Variants in CDYL observed in about 807,000 individuals in gnomAD.
The protein encoded by CDYL is chromodomain Y-like protein.
In CDYL, 8 loss-of-function variants were observed where a neutral mutation model predicts 47.3. The ratio of observed to expected loss-of-function variants is 0.17; its 90% CI spans 0.10 to 0.31. The LOEUF (loss-of-function observed/expected upper bound fraction) is 0.31, where lower values mean the gene tolerates loss of function less well. Ranked by LOEUF, CDYL falls within the 10% of genes least tolerant of loss-of-function variation. The probability of loss-of-function intolerance (pLI) is 1.00; values close to 1 mark genes in which losing one functional copy is unlikely to be tolerated. For missense variants in CDYL, 471 were observed against 701.4 expected (o/e 0.67, Z 3.71); for synonymous variants, 266 against 265.0 (o/e 1.00, Z -0.04).
At position 4,953,937 on chromosome 6, in the gene CDYL, A is replaced by C; in HGVS notation, c.1516A>C (p.Lys506Gln). 1 of 1,614,010 alleles carries C rather than the reference A, an allele frequency of 6.2e-7. No individual in the cohort carries two copies. Among genetic ancestry groups the C allele is most frequent in the Non-Finnish European group, 8.5e-7 (1 of 1,179,982 alleles). ...ESKALVRCNM[K>Q]MELEQANERE... ...CAAAGCCCTCGTGCGCTGCAACATG[A>C]AGATGGAGCTGGAGCAGGCCAACGA... The change falls in exon 7 of 7, where the codon AAG (lysine) becomes CAG (glutamine). Residue 506 changes from lysine (K) to glutamine (Q), a missense_variant. Physicochemically the swap from Lys to Gln is moderately conservative, Grantham distance 53. This residue lies in a region of CDYL where 57 missense variants were observed against 74.3 expected (regional missense o/e 0.77). Transcript: ENST00000397588.
chr6:4,810,156 G>A (rs1409513131), intron 1 of CDYL, among the ~76,000 whole-genome samples: 5 of 152,098 alleles, frequency 3.3e-5, no homozygotes, highest in African/African-American at 9.7e-5. Flanking sequence ...ACTCGCCCTT[G>A]CCTACGGGAT....
chr6:4,720,417 T>G (rs898778792), intron 2 of CDYL, among the ~76,000 whole-genome samples: 1 of 152,226 alleles, frequency 6.6e-6, no homozygotes, highest in South Asian at 2.1e-4. Context: ...ATGAAATAAA[T>G]GTTTGTTGAA....
chr6:4,755,039 G>GT (rs145834758), intron 3 of CDYL, among the ~76,000 whole-genome samples: 7,667 of 128,110 alleles, frequency 0.06, 503 homozygotes, highest in African/African-American at 0.17. Context: ...TGTTGTTGTT[G>GT]TTGTTTTTTG....
intron 2 of CDYL, among the ~76,000 whole-genome samples, chr6:4,929,122 G>A (rs1447250017): frequency 6.6e-6 from 1 of 152,130 alleles, no homozygotes; most frequent in African/African-American, 2.4e-5. Context: ...TTACAGTGCA[G>A]GCCTGCTGGT....
chr6:4,917,231 A>G (rs1201715364), intron 2 of CDYL, among the ~76,000 whole-genome samples: 1 of 152,156 alleles, frequency 6.6e-6, no homozygotes, highest in Non-Finnish European at 1.5e-5. Context: ...CTTAGATCTT[A>G]GAAGTACCAG....
At chr6:4,871,293 A>G (rs1413475072) in intron 1 of CDYL, among the ~76,000 whole-genome samples, 1 of 152,202 alleles carries the variant, frequency 6.6e-6, no homozygotes, top group Non-Finnish European at 1.5e-5. Context: ...TCTTGAGCCC[A>G]TAAGGCTTCC....
At chr6:4,937,782 T>G in intron 4 of CDYL, 45 bp downstream of exon 4, 1 of 1,531,806 alleles carries the variant, frequency 6.5e-7, no homozygotes, top group Non-Finnish European at 8.9e-7. Flanking sequence ...GGTGTTTTGT[T>G]TTTGGTAAAC....
At position 4,955,277 on chromosome 6, in the gene CDYL, G is replaced by A. The variant is rs376190740; in HGVS notation, c.*1221G>A. The stretch of plus-strand genomic sequence containing the variant: ...TTCTGAGCTTGCAATCATATTGAAT[G>A]TATGAAGAGCGAAATCAAATTCTTA... On this transcript the variant is annotated 3_prime_UTR_variant, in exon 7 of 7. Transcript: ENST00000397588. The A allele has an allele frequency of 6.6e-6, 1 of 152,608 alleles. No individual in the cohort carries two copies. The highest frequency in any genetic ancestry group is 1.5e-5 in the Non-Finnish European group (1 of 68,038). 9.5% of individuals were successfully genotyped at this position (152,608 alleles called of 1,614,324 possible).
chr6:4,757,169 T>G (rs62384841), intron 3 of CDYL, among the ~76,000 whole-genome samples: 13,304 of 152,248 alleles, frequency 0.087, 635 homozygotes, highest in South Asian at 0.14. Flanking sequence ...TTGAAATAGT[T>G]GTCATCTAAA....
chr6:4,827,775 C>T (rs1760020273), intron 1 of CDYL, among the ~76,000 whole-genome samples: 1 of 152,156 alleles, frequency 6.6e-6, no homozygotes, highest in Non-Finnish European at 1.5e-5. Context: ...CTGCCTCAGC[C>T]TCCCGAGTAG....
chr6:4,897,947 C>T (rs1031106880), intron 2 of CDYL, among the ~76,000 whole-genome samples: 8 of 151,934 alleles, frequency 5.3e-5, no homozygotes, highest in Middle Eastern at 3.2e-3. Flanking sequence ...GTCCCAGCTA[C>T]TCGGGAGGCT....
intron 1 of CDYL, among the ~76,000 whole-genome samples, chr6:4,829,193 G>T (rs1760065080): frequency 6.6e-6 from 1 of 152,088 alleles, no homozygotes; most frequent in African/African-American, 2.4e-5. Flanking sequence ...ACATTATAAT[G>T]TAATTCTGGA....
chr6:4,880,029 T>A (rs1401265208), intron 1 of CDYL, among the ~76,000 whole-genome samples: 1 of 152,130 alleles, frequency 6.6e-6, no homozygotes, highest in Non-Finnish European at 1.5e-5. Context: ...ACTTGATGCA[T>A]CTACATTGAC....
intron 1 of CDYL, among the ~76,000 whole-genome samples, chr6:4,843,523 TTA>T (rs966607461): frequency 7.3e-5 from 11 of 150,116 alleles, no homozygotes; most frequent in African/African-American, 2.7e-4. Context: ...TTTTTTTTTT[TTA>T]ATTCTTTTTT....
At chr6:4,713,706 GCCC>G (rs1263289425) in intron 1 of CDYL, among the ~76,000 whole-genome samples, 3 of 151,446 alleles carry the variant, frequency 2.0e-5, no homozygotes, top group East Asian at 1.9e-4. Context: ...TCCTGTCTCA[GCCC>G]CCCAAGTAGC....
At chr6:4,715,785 T>C (rs1757245424) in exon 2 of CDYL, 2 of 1,614,046 alleles carry the variant, frequency 1.2e-6, no homozygotes, top group Non-Finnish European at 8.5e-7. Context: ...TTTTATGACA[T>C]TTCAGGCAAG....
At chr6:4,740,105 G>A (rs1757771283) in intron 3 of CDYL, among the ~76,000 whole-genome samples, 1 of 152,122 alleles carries the variant, frequency 6.6e-6, no homozygotes, top group Admixed American at 6.6e-5. Context: ...ACGAAGGAGA[G>A]TGTCTGACTT....
intron 4 of CDYL, among the ~76,000 whole-genome samples, 183 bp downstream of exon 4, chr6:4,937,920 T>C (rs550336833): frequency 4.6e-5 from 7 of 152,368 alleles, no homozygotes; most frequent in Non-Finnish European, 8.8e-5. Context: ...AAATTACTAC[T>C]TGCCTTGGGC....
chr6:4,903,801 C>T (rs1157855121), intron 2 of CDYL, among the ~76,000 whole-genome samples: 2 of 152,236 alleles, frequency 1.3e-5, no homozygotes, highest in Non-Finnish European at 2.9e-5. Flanking sequence ...ACATTTTCCT[C>T]AGGTTTTGAG....
Sources: allele counts gnomAD v4.1 joint callset (sites outside exome capture counted in the v4.1 genomes callset), GRCh38; gene constraint gnomAD v4.1.1; regional missense constraint gnomAD v4.1.1; transcripts MANE v1.5; gene names NCBI Gene and HGNC (gene_info 2026-07-23, HGNC 2026-07-21).